Variants in ZFYVE9 observed in about 807,000 individuals in gnomAD.
The protein encoded by ZFYVE9 is zinc finger FYVE-type containing 9.
A neutral mutation model predicts 126.7 loss-of-function variants in ZFYVE9; 43 were observed. That is an observed-to-expected ratio of 0.34 (90% CI 0.27 to 0.44). The LOEUF is 0.44. Ranked by LOEUF, ZFYVE9 falls within the 20% of genes least tolerant of loss-of-function variation. The pLI, the probability that ZFYVE9 is intolerant of heterozygous loss-of-function variation, is 1.00. For missense variants in ZFYVE9, 1,476 were observed against 1,697.0 expected (o/e 0.87, Z 2.29); for synonymous variants, 521 against 597.4 (o/e 0.87, Z 1.87).
intron 10 of ZFYVE9, among the ~76,000 whole-genome samples, chr1:52,292,779 C>G (rs1181557688): frequency 2.0e-5 from 3 of 152,054 alleles, no homozygotes; most frequent in African/African-American, 7.2e-5. Context: ...TTGAACATTT[C>G]TTTATGACCT....
At chr1:52,215,289 T>C (rs993920359) in intron 1 of ZFYVE9, among the ~76,000 whole-genome samples, 11 of 152,354 alleles carry the variant, frequency 7.2e-5, no homozygotes, top group Admixed American at 5.9e-4. Context: ...TGTTTCTTAG[T>C]GTCAGTAGCT....
intron 2 of ZFYVE9, among the ~76,000 whole-genome samples, chr1:52,230,024 C>A (rs1271486216): frequency 6.6e-6 from 1 of 152,118 alleles, no homozygotes. Flanking sequence ...CTTGCCACCA[C>A]GTCCAGCTAA....
rs1645289937 is a variant in ZFYVE9, at chr1:52,237,910, G to A, written c.493G>A (p.Asp165Asn). 3.1e-6 allele frequency: 5 copies of A among 1,613,794 alleles called. No individual in the cohort carries two copies. Among genetic ancestry groups the A allele is most frequent in the Admixed American group, 1.7e-5 (1 of 59,958 alleles). ...HNCDKRTLQNDLQDCNNYNSQ... is the reference protein window; with the variant it reads ...HNCDKRTLQNNLQDCNNYNSQ... Reference sequence around the variant, plus strand: ...CTGTGATAAAAGGACATTACAAAACGATTTACAGGATTGTAATAATTATAA... The same window carrying A: ...CTGTGATAAAAGGACATTACAAAACAATTTACAGGATTGTAATAATTATAA... The change falls in exon 4 of 19, where the codon GAT becomes AAT. Residue 165 changes from aspartate to asparagine, a missense_variant. Asp to Asn is a conservative substitution (Grantham distance 23, BLOSUM62 1). Around this residue, in one of 2 missense-constraint regions of ZFYVE9, gnomAD observed 807 missense variants for 794.6 expected, o/e 1.02. Transcript: ENST00000287727.
At chr1:52,219,515 A>G (rs371149596) in intron 2 of ZFYVE9, among the ~76,000 whole-genome samples, 1 of 151,778 alleles carries the variant, frequency 6.6e-6, no homozygotes, top group Non-Finnish European at 1.5e-5. Context: ...GGTTGGTTCA[A>G]GCTTTCCTTC....
intron 1 of ZFYVE9, among the ~76,000 whole-genome samples, chr1:52,188,791 C>CTT (rs775709586): frequency 6.6e-6 from 1 of 150,596 alleles, no homozygotes; most frequent in South Asian, 2.1e-4. Context: ...TTTAAGATAG[C>CTT]TTTTTTTTTA....
intron 13 of ZFYVE9, among the ~76,000 whole-genome samples, chr1:52,321,666 C>T (rs1218663848): frequency 6.6e-6 from 1 of 152,116 alleles, no homozygotes; most frequent in African/African-American, 2.4e-5. Flanking sequence ...AGTCAAACTC[C>T]TGGCTTTCCC....
At chr1:52,229,416 T>C (rs1645197515) in intron 2 of ZFYVE9, among the ~76,000 whole-genome samples, 1 of 152,220 alleles carries the variant, frequency 6.6e-6, no homozygotes. Context: ...TAAACATACA[T>C]TTCCTTCTTT....
intron 2 of ZFYVE9, among the ~76,000 whole-genome samples, chr1:52,226,440 G>A (rs1196568725): frequency 6.6e-6 from 1 of 152,216 alleles, no homozygotes; most frequent in Non-Finnish European, 1.5e-5. Flanking sequence ...GGAGGCTGAG[G>A]CAGGAGAATC....
At chr1:52,180,275 C>G (rs550578171) in intron 1 of ZFYVE9, 1 of 1,600,354 alleles carries the variant, frequency 6.2e-7, no homozygotes, top group African/African-American at 1.3e-5. Flanking sequence ...TCAAATTTAT[C>G]AAAGCCATTT....
At chr1:52,234,632 A>G (rs1313643002) in intron 3 of ZFYVE9, among the ~76,000 whole-genome samples, 2 of 152,172 alleles carry the variant, frequency 1.3e-5, no homozygotes, top group Non-Finnish European at 2.9e-5. Context: ...GACAGGAAGG[A>G]AGAGAGAGAG....
chr1:52,237,881 A>G lies in ZFYVE9; in HGVS notation c.464A>G (p.His155Arg), dbSNP rs1645289443. The change falls in exon 4 of 19, where the codon CAT becomes CGT. Residue 155 changes from histidine (H) to arginine (R), a missense_variant. Coordinates refer to ENST00000287727, the MANE Select transcript of ZFYVE9 (RefSeq NM_004799.4). ...EKNVLVVAVM[H>R]NCDKRTLQND... ...AATGTTCTTGTTGTAGCCGTCATGC[A>G]TAACTGTGATAAAAGGACATTACAA... 7 of 1,613,962 alleles carry G rather than the reference A, an allele frequency of 4.3e-6. No homozygotes were observed. The highest frequency in any genetic ancestry group is 5.9e-6 in the Non-Finnish European group (7 of 1,179,972).
chr1:52,263,921 G>C, intron 5 of ZFYVE9, 49 bp downstream of exon 5: 1 of 1,269,634 alleles, frequency 7.9e-7, no homozygotes, highest in Non-Finnish European at 1.1e-6. Flanking sequence ...CAAAACAAGG[G>C]AATTACGATG....
intron 8 of ZFYVE9, among the ~76,000 whole-genome samples, chr1:52,276,346 G>A (rs1193104172): frequency 6.6e-6 from 1 of 152,016 alleles, no homozygotes; most frequent in East Asian, 1.9e-4. Flanking sequence ...TCATTCTTCT[G>A]TACTTTTTCT....
intron 1 of ZFYVE9, among the ~76,000 whole-genome samples, chr1:52,151,020 G>A (rs1485286345): frequency 2.7e-5 from 4 of 148,194 alleles, no homozygotes; most frequent in Middle Eastern, 6.8e-3. Context: ...AGTAGTAGCC[G>A]AGGTAAATTA....
chr1:52,182,134 C>T (rs1465643336), intron 1 of ZFYVE9, among the ~76,000 whole-genome samples: 2 of 150,496 alleles, frequency 1.3e-5, no homozygotes, highest in African/African-American at 2.4e-5. Flanking sequence ...GGTGGGGGGT[C>T]AGCCCCCCGC....
chr1:52,200,946 C>T (rs1644917532), intron 1 of ZFYVE9, among the ~76,000 whole-genome samples: 1 of 152,106 alleles, frequency 6.6e-6, no homozygotes, highest in Admixed American at 6.6e-5. Flanking sequence ...TCTTCTCTGT[C>T]AATAATGTGT....
At chr1:52,160,234 G>A in intron 1 of ZFYVE9, 1 of 813,732 alleles carries the variant, frequency 1.2e-6, no homozygotes, top group Non-Finnish European at 2.2e-6. Flanking sequence ...CATCACGACA[G>A]GATGGACTTT....
At chr1:52,177,306 A>G (rs1438937765) in intron 1 of ZFYVE9, among the ~76,000 whole-genome samples, 1 of 151,804 alleles carries the variant, frequency 6.6e-6, no homozygotes, top group East Asian at 1.9e-4. Context: ...TGAGCTACCA[A>G]CCTGGCTAAT....
chr1:52,238,559 T>G lies in ZFYVE9; in HGVS notation c.1142T>G (p.Leu381Arg). The change falls in exon 4 of 19, where the codon CTT becomes CGT. Residue 381 changes from leucine to arginine, a missense_variant. By Grantham distance (102) the Leu-to-Arg change is moderately radical. Transcript: ENST00000287727. ...ENEGYEHEET[L>R]GTTEFLNMTE... is the part of the protein sequence containing the mutation. ...GAAGGTTATGAACATGAAGAAACTC[T>G]TGGCACTACAGAATTCCTTAATATG... 6.2e-7 allele frequency: 1 copy of G among 1,614,084 alleles called. No homozygotes were observed. The highest frequency in any genetic ancestry group is 1.1e-5 in the South Asian group (1 of 91,090).
Sources: gnomAD v4.1 joint callset for allele counts (sites outside exome capture counted in the v4.1 genomes callset) on GRCh38, gnomAD v4.1.1 for gene constraint, gnomAD v4.1.1 regional missense constraint, MANE v1.5 for transcripts, NCBI Gene and HGNC (gene_info 2026-07-23, HGNC 2026-07-21) for gene names.